Variants in PKN2 observed in about 807,000 individuals in gnomAD.
The protein encoded by PKN2 is serine/threonine-protein kinase N2.
Under a neutral mutation model 119.1 loss-of-function variants are expected in PKN2, and 38 were observed. The ratio of observed to expected loss-of-function variants is 0.32; its 90% CI spans 0.25 to 0.42. The LOEUF is 0.42. PKN2 is among the 10% of genes least tolerant of loss of function. The pLI is 1.00. For synonymous variants in PKN2, 390 were observed against 384.9 expected (o/e 1.01, Z -0.15); for missense variants, 850 against 1,165.1 (o/e 0.73, Z 3.94).
At chr1:88,740,849 A>G (rs997372659) in intron 1 of PKN2, 139 bp from the exon 2 acceptor site, 9 of 513,416 alleles carry the variant, frequency 1.8e-5, no homozygotes, top group African/African-American at 8.0e-5. Context: ...TAGTTGGTCT[A>G]TTGCTTATTA....
At chr1:88,745,166 G>C (rs1004188832) in intron 2 of PKN2, among the ~76,000 whole-genome samples, 18 of 152,170 alleles carry the variant, frequency 1.2e-4, no homozygotes, top group African/African-American at 3.9e-4. Context: ...TGTACTTAAT[G>C]GTGAAAAGCC....
At chr1:88,760,527 A>T in intron 3 of PKN2, 151 bp downstream of exon 3, 2 of 468,382 alleles carry the variant, frequency 4.3e-6, no homozygotes, top group Non-Finnish European at 7.6e-6. Context: ...ACATGCATGG[A>T]GCAGGGGAAA....
At chr1:88,772,143 C>G (rs1453913897) in intron 6 of PKN2, among the ~76,000 whole-genome samples, 1 of 152,182 alleles carries the variant, frequency 6.6e-6, no homozygotes, top group African/African-American at 2.4e-5. Context: ...TAAGCAGTCA[C>G]TCCCCATTCC....
intron 9 of PKN2, 22 bp from the exon 10 acceptor site, chr1:88,804,824 A>G (rs1671470817): frequency 7.5e-6 from 10 of 1,337,266 alleles, no homozygotes; most frequent in Middle Eastern, 2.0e-4. Flanking sequence ...TTTCATGTCA[A>G]CTTGAATTTT....
intron 6 of PKN2, among the ~76,000 whole-genome samples, chr1:88,775,596 T>TA (rs1205791231): frequency 6.6e-6 from 1 of 152,204 alleles, no homozygotes; most frequent in Non-Finnish European, 1.5e-5. Context: ...ATTATTTTCT[T>TA]AGTGATTACC....
In PKN2 at chr1:88,835,067, AAC is replaced by A. The variant is rs1672888969; in HGVS notation, c.*1621_*1622del. ...CTGATTTATGGAGAGTTGAGCTAAA[AAC>A]ATTTATAAATATTTGCTGGGATGTT... On this transcript the variant is annotated 3_prime_UTR_variant, in exon 22 of 22. Transcript: ENST00000370521. 6.6e-6 allele frequency: 1 copy of A among 152,434 alleles called. No individual in the cohort carries two copies. Among genetic ancestry groups the A allele is most frequent in the Non-Finnish European group, 1.5e-5 (1 of 67,916 alleles). The allele number at this position is 152,434 out of a possible 1,614,324, so 9.4% of individuals were successfully genotyped here.
chr1:88,747,331 A>G (rs980885855), intron 2 of PKN2, among the ~76,000 whole-genome samples: 1 of 152,214 alleles, frequency 6.6e-6, no homozygotes, highest in Non-Finnish European at 1.5e-5. Flanking sequence ...TCATTCTACA[A>G]TGTATAAATG....
Position 88,729,026 on chromosome 1 carries a change from C to CT in PKN2, c.49-11961dup, listed in dbSNP as rs199772386. On this transcript the variant is annotated intron_variant, in intron 1 of 21. Transcript: ENST00000370521. The stretch of plus-strand genomic sequence containing the variant: ...TCTCCTGCCTCAGCCTCCTGAGTAG[C>CT]TGGGATTACAGGCATGTGCCACCAT... Among the ~76,000 whole-genome samples the CT allele has an allele frequency of 9.4e-4, 143 of 151,812 alleles. 3 individuals are homozygous for CT. The East Asian group carries it at 0.027, about 29-fold the overall frequency.
chr1:88,710,327 G>A (rs147177254), intron 1 of PKN2, among the ~76,000 whole-genome samples: 29 of 152,062 alleles, frequency 1.9e-4, no homozygotes, highest in Non-Finnish European at 2.9e-5. Flanking sequence ...AATTTTCCAG[G>A]CCTATTTTTT....
intron 1 of PKN2, among the ~76,000 whole-genome samples, chr1:88,698,060 G>A (rs919851329): frequency 1.3e-5 from 2 of 152,142 alleles, no homozygotes; most frequent in Non-Finnish European, 2.9e-5. Flanking sequence ...CCTGAAGAAA[G>A]TAGCTTGCAC....
rs1226814086 is a variant in PKN2 at position 88,828,515 on chromosome 1, TGGCAC to T, written c.2455_2459del (p.Gly819SerfsTer2). On this transcript the variant is annotated frameshift_variant, in exon 19 of 22. Coordinates refer to ENST00000370521, the MANE Select transcript of PKN2 (RefSeq NM_006256.4). LOFTEE classifies it high-confidence loss of function. ...ATGGAGATAGAACAAGCACATTTTG[TGGCAC>T]TCCTGAATTTCTTGCCCCAGAAGTA... 6.2e-7 allele frequency: 1 copy of T among 1,612,772 alleles called. No homozygotes were observed. The highest frequency in any genetic ancestry group is 8.5e-7 in the Non-Finnish European group (1 of 1,178,968).
chr1:88,736,694 G>T (rs1668362985), intron 1 of PKN2, among the ~76,000 whole-genome samples: 1 of 152,134 alleles, frequency 6.6e-6, no homozygotes, highest in Non-Finnish European at 1.5e-5. Flanking sequence ...CCTGACATCT[G>T]AACATTGAGG....
At chr1:88,811,527 A>C (rs897689838) in intron 15 of PKN2, among the ~76,000 whole-genome samples, 3 of 152,168 alleles carry the variant, frequency 2.0e-5, no homozygotes, top group African/African-American at 7.2e-5. Context: ...AAACAATAGC[A>C]GTTCTTAGGA....
At chr1:88,815,699 T>G (rs868183446) in intron 16 of PKN2, among the ~76,000 whole-genome samples, 2 of 152,234 alleles carry the variant, frequency 1.3e-5, no homozygotes, top group African/African-American at 4.8e-5. Context: ...CTTCATTATC[T>G]GCTCTGTAAA....
chr1:88,688,246 C>T (rs1421470167), intron 1 of PKN2, among the ~76,000 whole-genome samples: 1 of 152,066 alleles, frequency 6.6e-6, no homozygotes, highest in African/African-American at 2.4e-5. Flanking sequence ...CCACCACACC[C>T]GGCTAATTTT....
In PKN2 at chr1:88,684,468, T is replaced by C; in HGVS notation, c.-113T>C. ...CTGCGCCTCCATGAATCCCTAGTTG[T>C]TTTTTTTTTTTTCTTTCTCTCCCCT... On this transcript the variant is annotated 5_prime_UTR_variant, in exon 1 of 22. Coordinates refer to ENST00000370521, the MANE Select transcript of PKN2 (RefSeq NM_006256.4). 2.5e-6 allele frequency: 1 copy of C among 393,618 alleles called. No individual in the cohort carries two copies. Among genetic ancestry groups the C allele is most frequent in the Non-Finnish European group, 3.7e-6 (1 of 268,502 alleles). 24.4% of individuals were successfully genotyped at this position (393,618 alleles called of 1,614,324 possible). A position where few individuals can be genotyped will look rare whatever the true frequency, so the allele number is the denominator to read the frequency against.
In PKN2 at chr1:88,781,098, G is replaced by A. The variant is rs996406458; in HGVS notation, c.986-3541G>A. On this transcript the variant is annotated intron_variant, in intron 6 of 21. Coordinates refer to ENST00000370521, the MANE Select transcript of PKN2 (RefSeq NM_006256.4). ...ATAAACTAAATTTTAAGTAACTAGG[G>A]AGAGAAATACTACTGACATTAATAG... is the stretch of plus-strand genomic sequence containing the variant. 3.4e-5 allele frequency: 41 copies of A among 1,221,698 alleles called. 3 individuals carry two copies. In the Admixed American group the frequency reaches 1.2e-3, roughly 35 times the overall value. The allele number at this position is 1,221,698 out of a possible 1,614,324, so 75.7% of individuals were successfully genotyped here.
intron 16 of PKN2, among the ~76,000 whole-genome samples, chr1:88,820,180 C>CAATATGTA (rs1491259052): frequency 1.4e-5 from 1 of 70,740 alleles, no homozygotes; most frequent in Admixed American, 1.7e-4. Flanking sequence ...TTTCAGAAAC[C>CAATATGTA]TATATATATA....
intron 8 of PKN2, among the ~76,000 whole-genome samples, chr1:88,786,460 A>T (rs1220577549): frequency 6.6e-6 from 1 of 152,210 alleles, no homozygotes; most frequent in African/African-American, 2.4e-5. Context: ...AGCAAACTTA[A>T]AGATCAGTAA....
Sources: allele counts gnomAD v4.1 joint callset (sites outside exome capture counted in the v4.1 genomes callset), GRCh38; gene constraint gnomAD v4.1.1; transcripts MANE v1.5; gene names NCBI Gene and HGNC (gene_info 2026-07-23, HGNC 2026-07-21).